Variants in ADGRB3 observed in about 807,000 individuals in gnomAD.
ADGRB3 encodes the protein adhesion G protein-coupled receptor B3.
ADGRB3 carries 37 observed loss-of-function variants against 193.4 expected under a neutral mutation model. The ratio of observed to expected loss-of-function variants is 0.19; its 90% CI spans 0.15 to 0.25. The LOEUF (loss-of-function observed/expected upper bound fraction) is 0.25, where lower values mean the gene tolerates loss of function less well. ADGRB3 is among the 10% of genes least tolerant of loss of function. The probability of loss-of-function intolerance (pLI) is 1.00; values close to 1 mark genes in which losing one functional copy is unlikely to be tolerated. For synonymous variants in ADGRB3, 690 were observed against 644.2 expected (o/e 1.07, Z -1.08); for missense variants, 1,637 against 1,852.9 (o/e 0.88, Z 2.14).
chr6:69,232,944 T>C (rs1408006385), intron 17 of ADGRB3: 4 of 452,222 alleles, frequency 8.8e-6, no homozygotes. Context: ...AACAATCCGA[T>C]GAGCATAGGA....
intron 10 of ADGRB3, 128 bp from the exon 11 acceptor site, chr6:68,993,640 A>G (rs1769300495): frequency 3.2e-6 from 3 of 946,022 alleles, no homozygotes; most frequent in Non-Finnish European, 4.8e-6. Context: ...CAGTTTTCAA[A>G]TCCTCCCAAG....
At chr6:68,813,707 T>A (rs1767566241) in intron 3 of ADGRB3, among the ~76,000 whole-genome samples, 1 of 151,938 alleles carries the variant, frequency 6.6e-6, no homozygotes, top group African/African-American at 2.4e-5. Context: ...CCCTCCCCAC[T>A]CCCCTCATCC....
chr6:69,022,381 T>G lies in ADGRB3; in HGVS notation c.2107+3882T>G, dbSNP rs1770295476. The stretch of plus-strand genomic sequence containing the variant: ...CTTTATATTATTTAATATGAGATAT[T>G]TTTAAAAAGTTATTTTTTCAACAAG... On this transcript the variant is annotated intron_variant, in intron 13 of 31. Coordinates refer to ENST00000370598, the MANE Select transcript of ADGRB3 (RefSeq NM_001704.3). Among the ~76,000 whole-genome samples the G allele has an allele frequency of 3.9e-5, 6 of 151,944 alleles. No individual in the cohort carries two copies. The South Asian group carries it at 1.0e-3, about 26-fold the overall frequency.
intron 10 of ADGRB3, among the ~76,000 whole-genome samples, chr6:68,976,298 CA>C (rs1358972313): frequency 1.3e-5 from 2 of 152,062 alleles, no homozygotes; most frequent in African/African-American, 4.8e-5. Context: ...AAAAGAAAAG[CA>C]TTTTTTTAAA....
At chr6:68,690,991 A>G (rs540186553) in intron 3 of ADGRB3, among the ~76,000 whole-genome samples, 1 of 152,250 alleles carries the variant, frequency 6.6e-6, no homozygotes, top group African/African-American at 2.4e-5. Context: ...CTGACAACTG[A>G]ACACTTTATC....
intron 11 of ADGRB3, among the ~76,000 whole-genome samples, chr6:69,013,413 G>A (rs1026975082): frequency 6.6e-6 from 1 of 152,118 alleles, no homozygotes; most frequent in African/African-American, 2.4e-5. Context: ...ATTCTCCCAT[G>A]TTGGCTTGCT....
intron 10 of ADGRB3, among the ~76,000 whole-genome samples, chr6:68,987,339 T>C (rs1041401421): frequency 6.6e-6 from 1 of 152,118 alleles, no homozygotes; most frequent in Non-Finnish European, 1.5e-5. Context: ...TAGGTATTGG[T>C]AAATGGCTTT....
At chr6:68,638,428 A>C (rs1323163738) in intron 2 of ADGRB3, among the ~76,000 whole-genome samples, 1 of 152,342 alleles carries the variant, frequency 6.6e-6, no homozygotes, top group South Asian at 2.1e-4. Context: ...ATTAAATGTT[A>C]TTTTTAAATT....
chr6:69,099,940 A>G (rs564932168), intron 17 of ADGRB3, among the ~76,000 whole-genome samples: 1 of 152,348 alleles, frequency 6.6e-6, no homozygotes, highest in African/African-American at 2.4e-5. Context: ...TGTGGCTCTT[A>G]TATAAATATT....
chr6:69,237,826 T>C (rs1179511920), intron 19 of ADGRB3, among the ~76,000 whole-genome samples: 1 of 152,078 alleles, frequency 6.6e-6, no homozygotes, highest in Non-Finnish European at 1.5e-5. Context: ...CAATTAATAG[T>C]TGATGATGTC....
chr6:69,218,101 T>C (rs1765809778), intron 17 of ADGRB3, among the ~76,000 whole-genome samples: 1 of 150,944 alleles, frequency 6.6e-6, no homozygotes, highest in Non-Finnish European at 1.5e-5. Flanking sequence ...AGTCAAAACC[T>C]TTCAAGCCTG....
At chr6:69,333,398 G>A (rs1768768382) in intron 24 of ADGRB3, among the ~76,000 whole-genome samples, 1 of 152,000 alleles carries the variant, frequency 6.6e-6, no homozygotes. Context: ...ATCAGAACAA[G>A]CAAACCTAAA....
chr6:69,229,810 CAAAT>C (rs1766094155), intron 17 of ADGRB3, among the ~76,000 whole-genome samples: 1 of 152,192 alleles, frequency 6.6e-6, no homozygotes, highest in Middle Eastern at 3.4e-3. Context: ...AAAACTCAAC[CAAAT>C]ACTCAGATCC....
chr6:68,706,661 G>C (rs1765330343), intron 3 of ADGRB3, among the ~76,000 whole-genome samples: 1 of 152,218 alleles, frequency 6.6e-6, no homozygotes, highest in Non-Finnish European at 1.5e-5. Context: ...ATTGTCTGCT[G>C]TAGAATAGTA....
chr6:69,002,806 T>A (rs1769621083), intron 11 of ADGRB3, among the ~76,000 whole-genome samples: 1 of 152,172 alleles, frequency 6.6e-6, no homozygotes, highest in Non-Finnish European at 1.5e-5. Context: ...TTTTCTGGGT[T>A]GGAATTACAG....
At chr6:69,028,330 G>A (rs765812423) in intron 13 of ADGRB3, among the ~76,000 whole-genome samples, 3 of 151,998 alleles carry the variant, frequency 2.0e-5, no homozygotes, top group Non-Finnish European at 2.9e-5. Flanking sequence ...AGCTGTTTTC[G>A]GTTTTTTTGT....
intron 3 of ADGRB3, among the ~76,000 whole-genome samples, chr6:68,827,487 A>G (rs1273345097): frequency 6.6e-6 from 1 of 152,090 alleles, no homozygotes. Flanking sequence ...GTAGAGGGAA[A>G]AATCTGAAGA....
chr6:69,009,257 A>G (rs1250628667), intron 11 of ADGRB3, among the ~76,000 whole-genome samples: 1 of 152,118 alleles, frequency 6.6e-6, no homozygotes, highest in Non-Finnish European at 1.5e-5. Context: ...ACTTCCAAAA[A>G]AGGTCACACA....
intron 11 of ADGRB3, among the ~76,000 whole-genome samples, chr6:69,005,010 A>C (rs769316025): frequency 8.5e-5 from 13 of 152,102 alleles, no homozygotes; most frequent in Non-Finnish European, 1.6e-4. Context: ...AGCCAGGCCT[A>C]CCAAACTTGA....
Sources: allele counts gnomAD v4.1 joint callset (sites outside exome capture counted in the v4.1 genomes callset), GRCh38; gene constraint gnomAD v4.1.1; transcripts MANE v1.5; gene names NCBI Gene and HGNC (gene_info 2026-07-23, HGNC 2026-07-21).